The following PRH1 variants were observed in gnomAD, a reference collection of about 807,000 sequenced individuals.
The protein encoded by PRH1 is proline rich protein HaeIII subfamily 1.
In PRH1, 7 loss-of-function variants were observed where a neutral mutation model predicts 7.9. That is an observed-to-expected ratio of 0.89 (90% CI 0.50 to 1.67). The LOEUF is 1.67. PRH1 is among the 40% of genes most tolerant of loss of function. PRH1 has a pLI of 0.00. For synonymous variants in PRH1, 45 were observed against 80.8 expected (o/e 0.56, Z 2.38); for missense variants, 109 against 223.6 (o/e 0.49, Z 3.27).
chr12:11,021,222 T>C (rs1198071875), intron 1 of PRH1, among the ~76,000 whole-genome samples: 2 of 152,172 alleles, frequency 1.3e-5, no homozygotes, highest in African/African-American at 4.8e-5. Flanking sequence ...ATTCTTATCA[T>C]TGATTTAAAA....
At chr12:11,135,204 C>G (rs7971704) in intron 1 of PRH1, among the ~76,000 whole-genome samples, 1 of 152,008 alleles carries the variant, frequency 6.6e-6, no homozygotes, top group South Asian at 2.1e-4. Flanking sequence ...CTTGCAGTAT[C>G]CTCCCATCAC....
At chr12:10,897,568 A>G (rs1445638945) in intron 2 of PRH1, among the ~76,000 whole-genome samples, 1 of 152,206 alleles carries the variant, frequency 6.6e-6, no homozygotes, top group Non-Finnish European at 1.5e-5. Context: ...TAAGAGGTTT[A>G]ATTGGCTCAT....
chr12:11,038,000 CT>C (rs778623229), intron 1 of PRH1, among the ~76,000 whole-genome samples: 14 of 152,326 alleles, frequency 9.2e-5, no homozygotes, highest in Middle Eastern at 3.4e-3. Context: ...CAAGATTGCG[CT>C]TGTGCACTCC....
At chr12:11,001,113 G>A (rs528981999) in intron 1 of PRH1, among the ~76,000 whole-genome samples, 140 of 151,602 alleles carry the variant, frequency 9.2e-4, no homozygotes, top group Non-Finnish European at 1.2e-3. Flanking sequence ...ACATCCTTCC[G>A]CAAGTTGGAA....
chr12:11,075,548 C>G (rs1203385313), intron 1 of PRH1, among the ~76,000 whole-genome samples: 1 of 114,344 alleles, frequency 8.7e-6, no homozygotes, highest in Non-Finnish European at 2.1e-5. Context: ...CTGCTAACCC[C>G]GAGCAGCTGG....
chr12:10,948,406 C>G (rs547171835), intron 2 of PRH1, among the ~76,000 whole-genome samples: 14 of 152,298 alleles, frequency 9.2e-5, no homozygotes, highest in African/African-American at 2.9e-4. Context: ...TTCCCTCAGA[C>G]TAGTATATTC....
At chr12:11,164,342 CCT>C (rs1362760024) in intron 1 of PRH1, among the ~76,000 whole-genome samples, 3 of 152,146 alleles carry the variant, frequency 2.0e-5, no homozygotes, top group Non-Finnish European at 4.4e-5. Flanking sequence ...CATCAGAGCC[CCT>C]GATTCTCAGG....
At chr12:10,883,024 TG>T (rs1949432130) in intron 2 of PRH1, 36 bp downstream of exon 2, 6 of 1,599,812 alleles carry the variant, frequency 3.8e-6, no homozygotes, top group Middle Eastern at 3.3e-4. Context: ...CAGGGAAAAA[TG>T]GAGACAGAGT....
chr12:11,130,603 C>A (rs1385521209), intron 1 of PRH1, among the ~76,000 whole-genome samples: 2 of 152,206 alleles, frequency 1.3e-5, no homozygotes, highest in African/African-American at 4.8e-5. Context: ...CAGCGGAATT[C>A]AAAGCTGCTA....
chr12:10,992,158 A>C (rs1939964335), intron 1 of PRH1, among the ~76,000 whole-genome samples: 1 of 152,202 alleles, frequency 6.6e-6, no homozygotes. Flanking sequence ...AGGAAAGCTT[A>C]CATGCCCTCG....
chr12:10,945,395 A>C (rs969787284), intron 2 of PRH1, among the ~76,000 whole-genome samples: 1 of 152,170 alleles, frequency 6.6e-6, no homozygotes, highest in Non-Finnish European at 1.5e-5. Flanking sequence ...AGAAATTTTA[A>C]AGCTGGTGTC....
At chr12:11,167,760 T>C (rs374143349) in intron 1 of PRH1, among the ~76,000 whole-genome samples, 1 of 152,174 alleles carries the variant, frequency 6.6e-6, no homozygotes, top group African/African-American at 2.4e-5. Context: ...TCTAACAAGC[T>C]CAAAATAAAT....
intron 1 of PRH1, among the ~76,000 whole-genome samples, chr12:11,089,957 T>C (rs1174056217): frequency 0.016 from 1,327 of 84,006 alleles, 3 homozygotes; most frequent in Non-Finnish European, 0.022. Context: ...CCTGTAATCT[T>C]AACCTGAGAC....
At chr12:10,945,342 G>C (rs1950470092) in intron 2 of PRH1, among the ~76,000 whole-genome samples, 1 of 152,114 alleles carries the variant, frequency 6.6e-6, no homozygotes, top group Non-Finnish European at 1.5e-5. Context: ...TTTTCCCTAA[G>C]TGTCAGCCAG....
upstream of PRH1, among the ~76,000 whole-genome samples, chr12:10,887,678 ATGAC>A (rs1486651473): frequency 1.3e-5 from 2 of 151,704 alleles, no homozygotes; most frequent in Non-Finnish European, 2.9e-5. Flanking sequence ...CCTCGCCACC[ATGAC>A]TGACTAATTT....
intron 1 of PRH1, among the ~76,000 whole-genome samples, chr12:11,038,200 C>CT (rs1263349420): frequency 6.6e-6 from 1 of 152,154 alleles, no homozygotes; most frequent in African/African-American, 2.4e-5. Context: ...TATGTTTCTG[C>CT]TTTTTTAACA....
intron 1 of PRH1, among the ~76,000 whole-genome samples, chr12:10,978,843 A>G (rs1007632107): frequency 2.6e-5 from 4 of 152,208 alleles, no homozygotes; most frequent in Non-Finnish European, 5.9e-5. Context: ...TCATTAAAGA[A>G]ATGCAAATCA....
chr12:11,077,408 G>C lies in PRH1; in HGVS notation n.124-30220C>G. ...TTTAGTTTCCTGCTTCCCATAATCAGGAAGAATGAGTGGAATGAAGGATAC... is the reference window on the plus strand; with the variant it reads ...TTTAGTTTCCTGCTTCCCATAATCACGAAGAATGAGTGGAATGAAGGATAC... On this transcript the variant is annotated intron_variant and non_coding_transcript_variant, in intron 1 of 4. Transcript: ENST00000541977. 1.6e-5 allele frequency: 9 copies of C among 566,778 alleles called. 4 individuals carry two copies. 35.1% of individuals were successfully genotyped at this position (566,778 alleles called of 1,614,324 possible). A position where few individuals can be genotyped will look rare whatever the true frequency, so the allele number is the denominator to read the frequency against.
In PRH1 at chr12:11,135,515, T is replaced by C. The variant is rs796960762; in HGVS notation, n.40-14335A>G. Among the ~76,000 whole-genome samples, 51 of 49,028 alleles carry C rather than the reference T, an allele frequency of 1.0e-3. 1 individual carries two copies. Among genetic ancestry groups the C allele is most frequent in the African/African-American group, 3.0e-3 (51 of 17,128 alleles). The allele number at this position is 49,028 out of a possible 152,430, so 32.2% of individuals were successfully genotyped here. A position where few individuals can be genotyped will look rare whatever the true frequency, so the allele number is the denominator to read the frequency against. On this transcript the variant is annotated intron_variant and non_coding_transcript_variant, in intron 1 of 1. Transcript: ENST00000541175. ...TCACCAGAGCTATCCAACAAACCCA[T>C]TTAGAAAAACAAAATCCAAAGCCAT...
Sources: allele counts gnomAD v4.1 joint callset (sites outside exome capture counted in the v4.1 genomes callset), GRCh38; gene constraint gnomAD v4.1.1; transcripts MANE v1.5; gene names NCBI Gene and HGNC (gene_info 2026-07-23, HGNC 2026-07-21).